The following SLC24A2 variants were observed in gnomAD, a reference collection of about 807,000 sequenced individuals.
SLC24A2 encodes sodium/potassium/calcium exchanger 2.
Under a neutral mutation model 62.0 loss-of-function variants are expected in SLC24A2, and 36 were observed. The observed-to-expected ratio is 0.58, with a 90% CI of 0.44 to 0.77. SLC24A2 has a LOEUF of 0.77. Ranked by LOEUF, SLC24A2 falls within the 30% of genes least tolerant of loss-of-function variation. The pLI, the probability that SLC24A2 is intolerant of heterozygous loss-of-function variation, is 0.00. For synonymous variants in SLC24A2, 358 were observed against 294.0 expected (o/e 1.22, Z -2.23); for missense variants, 846 against 817.9 (o/e 1.03, Z -0.42).
chr9:19,915,398 G>A, the SLC24A2 span, among the ~76,000 whole-genome samples: 9 of 152,068 alleles, frequency 5.9e-5, no homozygotes, highest in South Asian at 8.3e-4. Flanking sequence ...TGAACATTCC[G>A]GTACAAGCTT....
the SLC24A2 span, among the ~76,000 whole-genome samples, chr9:19,865,038 A>G: frequency 6.6e-6 from 1 of 152,132 alleles, no homozygotes; most frequent in Non-Finnish European, 1.5e-5. Context: ...CTATATGCCA[A>G]CTGAACAAAG....
At chr9:19,797,578 T>C in the SLC24A2 span, among the ~76,000 whole-genome samples, 13 of 152,228 alleles carry the variant, frequency 8.5e-5, no homozygotes, top group African/African-American at 3.1e-4. Flanking sequence ...TCAGTATCTC[T>C]GCATAATTTC....
the SLC24A2 span, among the ~76,000 whole-genome samples, chr9:20,135,748 C>A: frequency 6.6e-6 from 1 of 151,950 alleles, no homozygotes; most frequent in East Asian, 1.9e-4. Flanking sequence ...ATTTTAATTT[C>A]TGAGAATGCA....
chr9:19,940,315 T>G, the SLC24A2 span, among the ~76,000 whole-genome samples: 1 of 152,240 alleles, frequency 6.6e-6, no homozygotes. Context: ...CCTTGCCACA[T>G]GACTTTTGTA....
rs1469888193 is a variant in SLC24A2, at chr9:19,521,029, A to C, written c.1601T>G (p.Ile534Ser). The change falls in exon 10 of 11, where the codon ATT becomes AGT. Residue 534 changes from isoleucine to serine, a missense_variant. Physicochemically the swap from Ile to Ser is moderately radical, Grantham distance 142. Coordinates refer to ENST00000341998, the MANE Select transcript of SLC24A2 (RefSeq NM_020344.4). ...VGETIGISEE[I>S]MGLTILAAGT... is the part of the protein sequence containing the mutation. ...AGCAGCCAAGATGGTCAGGCCCATA[A>C]TCTCTTCACTGATGCCAATTGTCTC... The C allele has an allele frequency of 5.0e-6, 8 of 1,614,028 alleles. No homozygotes were observed. Among genetic ancestry groups the C allele is most frequent in the Non-Finnish European group, 6.8e-6 (8 of 1,180,010 alleles).
At chr9:20,262,255 G>A in the SLC24A2 span, among the ~76,000 whole-genome samples, 4 of 152,288 alleles carry the variant, frequency 2.6e-5, no homozygotes, top group Admixed American at 2.6e-4. Context: ...GGGGTTGGGC[G>A]AACATGGTTT....
chr9:20,203,959 C>A, the SLC24A2 span, among the ~76,000 whole-genome samples: 1 of 149,100 alleles, frequency 6.7e-6, no homozygotes, highest in Non-Finnish European at 1.5e-5. Flanking sequence ...GTAACAAAAA[C>A]TGTTTTCAGA....
At chr9:19,959,323 A>G in the SLC24A2 span, among the ~76,000 whole-genome samples, 5 of 152,248 alleles carry the variant, frequency 3.3e-5, no homozygotes, top group Non-Finnish European at 5.9e-5. Context: ...GATTCAATCA[A>G]TCAGATGCCA....
the SLC24A2 span, among the ~76,000 whole-genome samples, chr9:20,305,394 C>T: frequency 7.9e-5 from 12 of 152,022 alleles, no homozygotes; most frequent in African/African-American, 2.4e-4. Context: ...CATGAGCCAC[C>T]GCGCCCAGCC....
chr9:19,786,874 C>G lies in SLC24A2; in HGVS notation c.-8G>C, dbSNP rs1462720880. ...GCTTTGTTGCAGATCCATCCTGGGTCTTCTGGTGGATATGGTGATCTTCCA... is the reference window on the plus strand; with the variant it reads ...GCTTTGTTGCAGATCCATCCTGGGTGTTCTGGTGGATATGGTGATCTTCCA... On this transcript the variant is annotated 5_prime_UTR_variant, in exon 2 of 11. Coordinates refer to ENST00000341998, the MANE Select transcript of SLC24A2 (RefSeq NM_020344.4). This position sits in a 1 kb window ranked among gnomAD's most constrained non-coding sequence, Gnocchi z 5.0. The G allele has an allele frequency of 6.2e-7, 1 of 1,606,514 alleles. No homozygotes were observed. Among genetic ancestry groups the G allele is most frequent in the Non-Finnish European group, 8.5e-7 (1 of 1,179,898 alleles).
intron 2 of SLC24A2, among the ~76,000 whole-genome samples, chr9:19,780,093 A>G (rs72687739): frequency 0.025 from 3,742 of 152,070 alleles, 57 homozygotes; most frequent in South Asian, 0.041. Context: ...AAAACAAACA[A>G]ACGGACAAAA....
chr9:19,788,698 G>T (rs1439548553), intron 1 of SLC24A2, 187 bp downstream of exon 1: 12 of 985,088 alleles, frequency 1.2e-5, no homozygotes, highest in African/African-American at 1.7e-5. Flanking sequence ...AGGAGAGGCG[G>T]GGGCTCCAAA....
intron 2 of SLC24A2, among the ~76,000 whole-genome samples, chr9:19,685,715 C>A (rs538006247): frequency 1.3e-4 from 20 of 152,132 alleles, no homozygotes; most frequent in African/African-American, 4.8e-4. Context: ...AACTGGTTAG[C>A]CATATGCAGA....
chr9:19,699,241 A>C (rs1382430600), intron 2 of SLC24A2, among the ~76,000 whole-genome samples: 15 of 152,186 alleles, frequency 9.9e-5, no homozygotes, highest in African/African-American at 3.4e-4. Flanking sequence ...CTGGCAAAGT[A>C]AACATGGGAA....
intron 2 of SLC24A2, among the ~76,000 whole-genome samples, chr9:19,733,838 G>C (rs566957900): frequency 3.5e-4 from 53 of 152,164 alleles, no homozygotes; most frequent in Admixed American, 1.4e-3. Context: ...TTGTGAACAA[G>C]GTAGAAAACT....
intron 9 of SLC24A2, 32 bp from the exon 10 acceptor site, chr9:19,521,092 T>C (rs1833175947): frequency 6.2e-7 from 1 of 1,609,486 alleles, no homozygotes; most frequent in Admixed American, 1.7e-5. Context: ...AACATCTCAG[T>C]GTTTGAAGTT....
chr9:19,951,326 T>A, the SLC24A2 span, among the ~76,000 whole-genome samples: 4 of 152,054 alleles, frequency 2.6e-5, no homozygotes, highest in African/African-American at 9.7e-5. Context: ...CTTAACAGTG[T>A]CTTTAGAAGA....
chr9:20,302,547 G>A, the SLC24A2 span, among the ~76,000 whole-genome samples: 3 of 152,146 alleles, frequency 2.0e-5, no homozygotes, highest in Non-Finnish European at 4.4e-5. Context: ...GGTGTCTGTT[G>A]AGATCTTTGG....
At chr9:19,909,203 AC>A in the SLC24A2 span, among the ~76,000 whole-genome samples, 2 of 152,124 alleles carry the variant, frequency 1.3e-5, no homozygotes, top group Non-Finnish European at 2.9e-5. Context: ...GAAGCTGGAA[AC>A]CGTCATTCTC....
Sources: gnomAD v4.1 joint callset for allele counts (sites outside exome capture counted in the v4.1 genomes callset) on GRCh38, gnomAD v4.1.1 for gene constraint, Gnocchi (gnomAD v3.1) non-coding constraint, MANE v1.5 for transcripts, NCBI Gene and HGNC (gene_info 2026-07-23, HGNC 2026-07-21) for gene names.